Variants in ITFG1 observed in about 807,000 individuals in gnomAD.
ITFG1 encodes the protein integrin alpha FG-GAP repeat containing 1, also known as T-cell immunomodulatory protein.
ITFG1 carries 34 observed loss-of-function variants against 81.8 expected under a neutral mutation model. The ratio of observed to expected loss-of-function variants is 0.42; its 90% CI spans 0.32 to 0.55. The LOEUF (loss-of-function observed/expected upper bound fraction) is 0.55, where lower values mean the gene tolerates loss of function less well. ITFG1 is among the 20% of genes least tolerant of loss of function. The probability of loss-of-function intolerance (pLI) is 0.17; values close to 1 mark genes in which losing one functional copy is unlikely to be tolerated. For synonymous variants in ITFG1, 285 were observed against 270.6 expected (o/e 1.05, Z -0.52); for missense variants, 672 against 755.4 (o/e 0.89, Z 1.29).
intron 8 of ITFG1, among the ~76,000 whole-genome samples, chr16:47,356,526 A>G (rs1269016826): frequency 1.3e-5 from 2 of 152,200 alleles, no homozygotes; most frequent in Non-Finnish European, 2.9e-5. Context: ...CGAACAGGAA[A>G]ATAGGATTGC....
intron 6 of ITFG1, among the ~76,000 whole-genome samples, chr16:47,393,702 G>A (rs1163207250): frequency 1.3e-5 from 2 of 151,760 alleles, no homozygotes; most frequent in Admixed American, 6.6e-5. Flanking sequence ...TTGCACTCCA[G>A]CCTGGGCAAC....
At chr16:47,221,801 G>A (rs1965695370) in intron 13 of ITFG1, among the ~76,000 whole-genome samples, 1 of 152,110 alleles carries the variant, frequency 6.6e-6, no homozygotes, top group Admixed American at 6.5e-5. Flanking sequence ...GTTCTTCCTG[G>A]TTTAGTCTTG....
intron 14 of ITFG1, among the ~76,000 whole-genome samples, chr16:47,184,311 C>T (rs1038511090): frequency 4.6e-5 from 7 of 152,076 alleles, no homozygotes; most frequent in Non-Finnish European, 7.3e-5. Flanking sequence ...AGAGCAACTC[C>T]AGGACACATA....
In ITFG1 at chr16:47,218,947, C is replaced by T; in HGVS notation, c.1375-1G>A. On this transcript the variant is annotated splice_acceptor_variant, in intron 13 of 17. Coordinates refer to ENST00000320640, the MANE Select transcript of ITFG1 (RefSeq NM_030790.5). LOFTEE classifies it high-confidence loss of function. ...GTCCAGGTTGATTCACTCCAAAGGG[C>T]TGCAATAGAAAAAAAAAATAGTTAA... is the stretch of plus-strand genomic sequence containing the variant. 1 of 1,566,124 alleles carries T rather than the reference C, an allele frequency of 6.4e-7. No individual in the cohort carries two copies. The highest frequency in any genetic ancestry group is 1.2e-5 in the South Asian group (1 of 83,714).
chr16:47,213,723 T>C (rs1965592795), intron 14 of ITFG1, among the ~76,000 whole-genome samples: 1 of 152,198 alleles, frequency 6.6e-6, no homozygotes, highest in African/African-American at 2.4e-5. Context: ...GGAGAGCTTC[T>C]GGGTTACTGA....
chr16:47,222,435 A>T (rs1965704244), intron 13 of ITFG1, among the ~76,000 whole-genome samples: 1 of 133,094 alleles, frequency 7.5e-6, no homozygotes. Flanking sequence ...TTTTTTTGAG[A>T]CGAAGTCTCG....
intron 6 of ITFG1, among the ~76,000 whole-genome samples, chr16:47,398,503 T>C (rs758758854): frequency 1.3e-5 from 2 of 152,244 alleles, no homozygotes; most frequent in Admixed American, 6.5e-5. Flanking sequence ...GTAAGTTTGT[T>C]TGGATCACTT....
chr16:47,285,739 G>A (rs920811687), intron 10 of ITFG1, among the ~76,000 whole-genome samples: 8 of 152,144 alleles, frequency 5.3e-5, no homozygotes, highest in African/African-American at 1.9e-4. Context: ...GAAAAACATA[G>A]GCAGAGAGAG....
At chr16:47,423,304 C>T (rs926998494) in intron 6 of ITFG1, among the ~76,000 whole-genome samples, 2 of 150,246 alleles carry the variant, frequency 1.3e-5, no homozygotes, top group Admixed American at 1.3e-4. Flanking sequence ...TTCCTCCATC[C>T]CTTTATTTTG....
At chr16:47,327,114 T>C (rs1161329670) in intron 8 of ITFG1, among the ~76,000 whole-genome samples, 1 of 152,144 alleles carries the variant, frequency 6.6e-6, no homozygotes, top group Non-Finnish European at 1.5e-5. Flanking sequence ...ATGGCACTGG[T>C]ACCAAAACAG....
At chr16:47,389,053 T>G (rs1968497944) in intron 6 of ITFG1, among the ~76,000 whole-genome samples, 1 of 152,136 alleles carries the variant, frequency 6.6e-6, no homozygotes, top group South Asian at 2.1e-4. Flanking sequence ...TGTTTAAAAG[T>G]AGGAAAAGCC....
intron 6 of ITFG1, among the ~76,000 whole-genome samples, chr16:47,393,568 T>C (rs1159472087): frequency 6.6e-6 from 1 of 151,964 alleles, no homozygotes; most frequent in Non-Finnish European, 1.5e-5. Flanking sequence ...TCGTCTCTAC[T>C]AAAAATATAA....
chr16:47,226,895 T>C (rs953167935), intron 13 of ITFG1, among the ~76,000 whole-genome samples: 4 of 152,136 alleles, frequency 2.6e-5, no homozygotes, highest in Admixed American at 6.5e-5. Context: ...ATAAAATTGG[T>C]TATGTTAATA....
Position 47,375,698 on chromosome 16 carries a change from G to C in ITFG1, c.720+178C>G, listed in dbSNP as rs2302683. 2.0e-4 allele frequency among the ~76,000 whole-genome samples: 30 copies of C among 152,330 alleles called. No individual in the cohort carries two copies. The East Asian group carries it at 5.8e-3, about 29-fold the overall frequency. ...ACCTGCAGAGTAACTGATGCTGAAT[G>C]AATCACTTCCTTCAGAAATATTCAG... On this transcript the variant is annotated intron_variant, in intron 7 of 17. Coordinates refer to ENST00000320640, the MANE Select transcript of ITFG1 (RefSeq NM_030790.5).
chr16:47,381,684 C>T (rs1968398052), intron 6 of ITFG1, among the ~76,000 whole-genome samples: 1 of 152,098 alleles, frequency 6.6e-6, no homozygotes, highest in Admixed American at 6.5e-5. Flanking sequence ...GGCAGCATAA[C>T]AATGTAGAAT....
At chr16:47,453,903 A>C (rs1387368219) in intron 3 of ITFG1, 110 bp downstream of exon 3, 1 of 719,664 alleles carries the variant, frequency 1.4e-6, no homozygotes, top group African/African-American at 1.8e-5. Flanking sequence ...AAGGTTTTAC[A>C]ATTATTGACA....
At chr16:47,250,376 C>T (rs1966058157) in intron 12 of ITFG1, among the ~76,000 whole-genome samples, 1 of 150,672 alleles carries the variant, frequency 6.6e-6, no homozygotes, top group African/African-American at 2.4e-5. Flanking sequence ...AATATATATA[C>T]ATATATTTCA....
In ITFG1 at chr16:47,289,477, C is replaced by G. The variant is rs181590772; in HGVS notation, c.1070+21763G>C. ...AATTCAGTACTGAAGCTACTGGGTC[C>G]TGGGCTTTTCTTTAATGGGGGACAT... is the stretch of plus-strand genomic sequence containing the variant. On this transcript the variant is annotated intron_variant, in intron 10 of 17. Transcript: ENST00000320640. Among the ~76,000 whole-genome samples, 6 of 152,058 alleles carry G rather than the reference C, an allele frequency of 3.9e-5. No individual in the cohort carries two copies. The East Asian group carries it at 1.2e-3, about 29-fold the overall frequency.
Position 47,460,834 on chromosome 16 carries a change from T to A in ITFG1, c.208+4A>T. 2 of 1,613,028 alleles carry A rather than the reference T, an allele frequency of 1.2e-6. No individual in the cohort carries two copies. Among genetic ancestry groups the A allele is most frequent in the Non-Finnish European group, 1.7e-6 (2 of 1,179,782 alleles). On this transcript the variant is annotated splice_donor_region_variant and intron_variant, in intron 1 of 17. Transcript: ENST00000320640. ...AACAGAGGGAGGGCCCGGCAAGCAC[T>A]GACTTTCCCGCAGCACGAAGAGATC...
Sources: gnomAD v4.1 joint callset for allele counts (sites outside exome capture counted in the v4.1 genomes callset) on GRCh38, gnomAD v4.1.1 for gene constraint, MANE v1.5 for transcripts, NCBI Gene and HGNC (gene_info 2026-07-23, HGNC 2026-07-21) for gene names.